Variants in SHANK2 observed in about 807,000 individuals in gnomAD.
The protein encoded by SHANK2 is SH3 and multiple ankyrin repeat domains 2, also known as SH3 and multiple ankyrin repeat domains protein 2.
In SHANK2, 43 loss-of-function variants were observed where a neutral mutation model predicts 133.7. That is an observed-to-expected ratio of 0.32 (90% CI 0.25 to 0.41). The LOEUF is 0.41. SHANK2 is among the 10% of genes least tolerant of loss of function. SHANK2 has a pLI of 1.00. For synonymous variants in SHANK2, 1,017 were observed against 952.8 expected (o/e 1.07, Z -1.24); for missense variants, 1,994 against 2,235.8 (o/e 0.89, Z 2.18).
At chr11:71,107,516 G>A (rs183769389) in intron 6 of SHANK2, among the ~76,000 whole-genome samples, 4 of 152,186 alleles carry the variant, frequency 2.6e-5, no homozygotes, top group South Asian at 2.1e-4. Flanking sequence ...AGGTAACTGC[G>A]TGGTACCATC....
At position 70,500,894 on chromosome 11, in the gene SHANK2, T is replaced by C. The variant is rs1555158320; in HGVS notation, c.2288-304A>G. ...TTGTCCCACCAGCACCCTGCCAAAG[T>C]AGGGAGGAGTTCTCAGAGCAGACAT... is the stretch of plus-strand genomic sequence containing the variant. On this transcript the variant is annotated intron_variant, in intron 20 of 25. Coordinates refer to ENST00000601538, the MANE Select transcript of SHANK2 (RefSeq NM_012309.5). The surrounding 1 kb of genome is among the most constrained non-coding windows in gnomAD (Gnocchi z 4.5). The C allele has an allele frequency of 1.6e-6, 1 of 634,556 alleles. No homozygotes were observed. Among genetic ancestry groups the C allele is most frequent in the African/African-American group, 2.1e-5 (1 of 48,392 alleles). 39.3% of individuals were successfully genotyped at this position (634,556 alleles called of 1,614,324 possible).
In SHANK2 at chr11:70,485,881, C is replaced by G. The variant is rs1555153138; in HGVS notation, c.4412G>C (p.Cys1471Ser). The change falls in exon 25 of 26, where the codon TGT becomes TCT. Residue 1471 changes from cysteine (C) to serine (S), a missense_variant. Cys to Ser is a moderately radical substitution (Grantham distance 112). This residue lies in a region of SHANK2 where 797 missense variants were observed against 907.4 expected (regional missense o/e 0.88). Coordinates refer to ENST00000601538, the MANE Select transcript of SHANK2 (RefSeq NM_012309.5). The surrounding 1 kb of genome is among the most constrained non-coding windows in gnomAD (Gnocchi z 5.8). ...DSKKPASLSN[C>S]LPASFLPPPE... is the part of the protein sequence containing the mutation. ...GGGTGGCAGGAATGAGGCAGGCAGA[C>G]AGTTTGAAAGACTGGCTGGCTTCTT... 3.1e-6 allele frequency: 5 copies of G among 1,614,122 alleles called. No individual in the cohort carries two copies. Among genetic ancestry groups the G allele is most frequent in the East Asian group, 4.5e-5 (2 of 44,882 alleles).
chr11:71,212,331 G>T (rs1555118996), intron 2 of SHANK2, among the ~76,000 whole-genome samples: 1 of 152,192 alleles, frequency 6.6e-6, no homozygotes, highest in African/African-American at 2.4e-5. Context: ...TACTGAATCT[G>T]ATATCCTATA....
rs1178624034 is a variant in SHANK2 at position 71,113,344 on chromosome 11, C to T, written c.432G>A (p.Val144=). ...PSLEFRYKKR[V]YKQASLDEKQ... is the part of the protein sequence containing the mutation. Reference sequence around the variant, plus strand: ...TCTCATCGAGACTGGCTTGTTTATACACCCGCTTCTTGTATCGAAACTGGC... The same window carrying T: ...TCTCATCGAGACTGGCTTGTTTATATACCCGCTTCTTGTATCGAAACTGGC... Residue 144 remains valine, a synonymous_variant, in exon 5 of 26, where the codon GTG becomes GTA. Coordinates refer to ENST00000601538, the MANE Select transcript of SHANK2 (RefSeq NM_012309.5). The T allele has an allele frequency of 1.9e-6, 3 of 1,551,714 alleles. No homozygotes were observed. The highest frequency in any genetic ancestry group is 3.3e-4 in the Middle Eastern group (2 of 5,990).
At chr11:70,800,842 G>A (rs897964204) in intron 13 of SHANK2, among the ~76,000 whole-genome samples, 1 of 152,172 alleles carries the variant, frequency 6.6e-6, no homozygotes, top group African/African-American at 2.4e-5. Context: ...TTGCTGCTGC[G>A]CCACCAGGAG....
At chr11:70,910,884 T>C in intron 10 of SHANK2, 2 of 432,466 alleles carry the variant, frequency 4.6e-6, no homozygotes, top group Non-Finnish European at 9.4e-6. Context: ...ATTGTTTACA[T>C]GTTGCTTGGT....
At chr11:71,214,127 TCA>T (rs1954349014) in intron 2 of SHANK2, among the ~76,000 whole-genome samples, 1 of 152,112 alleles carries the variant, frequency 6.6e-6, no homozygotes, top group African/African-American at 2.4e-5. Context: ...GGGTCTGGCC[TCA>T]GTTTCCTCCC....
chr11:70,493,464 A>ATTT (rs34242934), intron 21 of SHANK2, among the ~76,000 whole-genome samples: 108 of 140,304 alleles, frequency 7.7e-4, no homozygotes, highest in East Asian at 1.8e-3. Context: ...TTTGCAGCAC[A>ATTT]TTTTTTTTTT....
intron 11 of SHANK2, among the ~76,000 whole-genome samples, chr11:70,836,176 G>A (rs925205237): frequency 5.3e-5 from 8 of 152,222 alleles, no homozygotes; most frequent in African/African-American, 1.9e-4. Flanking sequence ...TTAAGGGAGC[G>A]TGCCTGCTGC....
At position 71,175,451 on chromosome 11, in the gene SHANK2, G is replaced by A. The variant is rs986540227; in HGVS notation, c.-12-28113C>T. 6.6e-6 allele frequency among the ~76,000 whole-genome samples: 1 copy of A among 152,028 alleles called. No individual in the cohort carries two copies. Among genetic ancestry groups the A allele is most frequent in the East Asian group, 1.9e-4 (1 of 5,152 alleles). ...GAGGAAGGAAAGAAAAAGAGGGAGA[G>A]GAGGGGGAGAAATAGACCAAGGCTG... is the stretch of plus-strand genomic sequence containing the variant. On this transcript the variant is annotated intron_variant, in intron 2 of 25. Coordinates refer to ENST00000601538, the MANE Select transcript of SHANK2 (RefSeq NM_012309.5). The surrounding 1 kb of genome is among the most constrained non-coding windows in gnomAD (Gnocchi z 4.2).
At chr11:70,628,637 C>T (rs1216303683) in intron 17 of SHANK2, among the ~76,000 whole-genome samples, 2 of 152,220 alleles carry the variant, frequency 1.3e-5, no homozygotes, top group Non-Finnish European at 2.9e-5. Context: ...GCTCACTCCA[C>T]ACCCAGCATC....
chr11:70,831,882 G>C (rs1555058568), intron 11 of SHANK2, among the ~76,000 whole-genome samples: 1 of 152,220 alleles, frequency 6.6e-6, no homozygotes, highest in South Asian at 2.1e-4. Flanking sequence ...ACGCAGGTTT[G>C]GGTGCTGACT....
chr11:71,215,247 G>A (rs578211233), intron 2 of SHANK2, among the ~76,000 whole-genome samples: 1 of 152,314 alleles, frequency 6.6e-6, no homozygotes, highest in East Asian at 1.9e-4. Context: ...CTGAGCCTCG[G>A]TGTCCACCAC....
chr11:70,745,225 C>T (rs749872105), intron 14 of SHANK2, among the ~76,000 whole-genome samples: 3 of 152,242 alleles, frequency 2.0e-5, no homozygotes, highest in Non-Finnish European at 4.4e-5. Flanking sequence ...TGCTACAAAG[C>T]GTTTCCCTCA....
At chr11:70,595,822 G>A (rs543287276) in intron 17 of SHANK2, among the ~76,000 whole-genome samples, 6 of 152,240 alleles carry the variant, frequency 3.9e-5, no homozygotes, top group Non-Finnish European at 8.8e-5. Flanking sequence ...CTCAAACTGC[G>A]GATTGTGGCC....
chr11:70,753,811 A>ACTGTGTGT lies in SHANK2; in HGVS notation c.1777+44631_1777+44632insACACACAG, dbSNP rs71049937. ...TGTCTTACATCTATTAAAGATATTA[A>ACTGTGTGT]GTGTGTGTGTGTGTGTTTGAGACAG... is the stretch of plus-strand genomic sequence containing the variant. On this transcript the variant is annotated intron_variant, in intron 14 of 25. Coordinates refer to ENST00000601538, the MANE Select transcript of SHANK2 (RefSeq NM_012309.5). Among the ~76,000 whole-genome samples the ACTGTGTGT allele has an allele frequency of 2.4e-4, 35 of 144,792 alleles. 1 individual carries two copies. Among genetic ancestry groups the ACTGTGTGT allele is most frequent in the Non-Finnish European group, 3.0e-4 (20 of 66,130 alleles). The allele number at this position is 144,792 out of a possible 152,430, so 95.0% of individuals were successfully genotyped here.
chr11:70,570,198 C>T (rs535802135), intron 17 of SHANK2, among the ~76,000 whole-genome samples: 10 of 152,324 alleles, frequency 6.6e-5, no homozygotes, highest in Admixed American at 4.6e-4. Flanking sequence ...GTTTGGCTGG[C>T]GGCCACGCCG....
intron 14 of SHANK2, among the ~76,000 whole-genome samples, chr11:70,701,131 G>A (rs925044541): frequency 6.6e-6 from 1 of 152,188 alleles, no homozygotes; most frequent in African/African-American, 2.4e-5. Context: ...GAAGCAGAGA[G>A]GAGTGTGTAG....
At chr11:70,538,747 CG>C (rs1565110194) in intron 17 of SHANK2, among the ~76,000 whole-genome samples, 1 of 152,196 alleles carries the variant, frequency 6.6e-6, no homozygotes, top group Non-Finnish European at 1.5e-5. Flanking sequence ...GAACAGCCCC[CG>C]GGGCAGAGCC....
Sources: gnomAD v4.1 joint callset for allele counts (sites outside exome capture counted in the v4.1 genomes callset) on GRCh38, gnomAD v4.1.1 for gene constraint, gnomAD v4.1.1 regional missense constraint, Gnocchi (gnomAD v3.1) non-coding constraint, MANE v1.5 for transcripts, NCBI Gene and HGNC (gene_info 2026-07-23, HGNC 2026-07-21) for gene names.